Variants in ECH1 observed in about 807,000 individuals in gnomAD.
ECH1 encodes enoyl-CoA hydratase 1, also known as delta(3,5)-Delta(2,4)-dienoyl-CoA isomerase, mitochondrial.
ECH1 carries 30 observed loss-of-function variants against 37.0 expected under a neutral mutation model. The observed-to-expected ratio is 0.81, with a 90% CI of 0.61 to 1.10. ECH1 has a LOEUF of 1.10. Among genes scored for constraint, ECH1 ranks in the 50% least tolerant of loss-of-function variants. The pLI, the probability that ECH1 is intolerant of heterozygous loss-of-function variation, is 0.00. For synonymous variants in ECH1, 178 were observed against 176.0 expected, an observed-to-expected ratio of 1.01 and a Z score of -0.09; for missense variants, 456 against 441.6, an observed-to-expected ratio of 1.03 and a Z score of -0.29.
intron 3 of ECH1, among the ~76,000 whole-genome samples, chr19:38,830,747 G>A (rs1375289018): frequency 1.3e-5 from 2 of 151,952 alleles, no homozygotes; most frequent in Non-Finnish European, 2.9e-5. Flanking sequence ...GGCTGAGGCA[G>A]GCAGATCATA....
intron 3 of ECH1, among the ~76,000 whole-genome samples, chr19:38,821,527 C>A (rs1002484895): frequency 6.6e-6 from 1 of 152,180 alleles, no homozygotes; most frequent in Non-Finnish European, 1.5e-5. Context: ...CCAGGCTGCA[C>A]GCAGTGCTCT....
chr19:38,821,869 C>T (rs1420209305), intron 3 of ECH1, among the ~76,000 whole-genome samples: 4 of 152,254 alleles, frequency 2.6e-5, no homozygotes, highest in Non-Finnish European at 4.4e-5. Flanking sequence ...TGCCCAAGGG[C>T]TGAGGAGTGC....
chr19:38,823,614 T>C (rs1971696767), intron 3 of ECH1, among the ~76,000 whole-genome samples: 1 of 152,174 alleles, frequency 6.6e-6, no homozygotes, highest in African/African-American at 2.4e-5. Context: ...CTTCTGCTTT[T>C]CCTGTACTTC....
At chr19:38,819,406 C>G (rs772049868) in intron 3 of ECH1, among the ~76,000 whole-genome samples, 1 of 152,086 alleles carries the variant, frequency 6.6e-6, no homozygotes, top group South Asian at 2.1e-4. Flanking sequence ...CCCCATCCCC[C>G]GCATCCTGAC....
At chr19:38,816,044 A>G in intron 8 of ECH1, 37 bp from the exon 9 acceptor site, 1 of 1,609,842 alleles carries the variant, frequency 6.2e-7, no homozygotes, top group Non-Finnish European at 8.5e-7. Context: ...GTGGGCTGGG[A>G]AGGGCTCTCT....
chr19:38,831,039 C>G, intron 3 of ECH1, 39 bp downstream of exon 3: 1 of 1,578,706 alleles, frequency 6.3e-7, no homozygotes, highest in Non-Finnish European at 8.7e-7. Context: ...TTGCCAGGAG[C>G]TAGGAAGGCT....
In ECH1 at chr19:38,815,734, TGA is replaced by T; in HGVS notation, c.883-19_883-18del. The T allele has an allele frequency of 6.2e-7, 1 of 1,614,022 alleles. No individual in the cohort carries two copies. The highest frequency in any genetic ancestry group is 1.1e-5 in the South Asian group (1 of 91,048). On this transcript the variant is annotated intron_variant, in intron 9 of 9. Transcript: ENST00000221418. ...CCAGGACGCCTGGTACCGAGGGTGT[TGA>T]GAGAGAACGAGGAGAGAGATTAGCA...
intron 3 of ECH1, among the ~76,000 whole-genome samples, chr19:38,825,207 C>G (rs146071727): frequency 0.023 from 3,537 of 152,296 alleles, 66 homozygotes; most frequent in Middle Eastern, 0.048. Context: ...GACAAATTCC[C>G]TATCGGTCAG....
intron 3 of ECH1, chr19:38,819,140 G>A (rs1365039691): frequency 1.2e-4 from 123 of 985,244 alleles, no homozygotes; most frequent in Non-Finnish European, 1.4e-4. Context: ...AAAATGGCAG[G>A]ACAGAGAGGT....
Position 38,815,860 on chromosome 19 carries a change from G to A in ECH1, c.879C>T (p.Tyr293=), listed in dbSNP as rs538528426. The change falls in exon 9 of 10, where the codon TAC becomes TAT. Residue 293 remains tyrosine (Y), a synonymous_variant. Coordinates refer to ENST00000221418, the MANE Select transcript of ECH1 (RefSeq NM_001398.3). The stretch of plus-strand genomic sequence containing the variant: ...TTGGTCGGAGCGTGCACCTTACCAC[G>A]TAGTTGAGGCTCTCGGCCACCGAAT... ...RDHSVAESLN[Y]VASWNMSMLQ... is the part of the protein sequence containing the mutation. 4 of 1,614,172 alleles carry A rather than the reference G, an allele frequency of 2.5e-6. No homozygotes were observed. The highest frequency in any genetic ancestry group is 2.2e-5 in the East Asian group (1 of 44,878).
chr19:38,825,376 G>A (rs1479820912), intron 3 of ECH1, among the ~76,000 whole-genome samples: 1 of 152,228 alleles, frequency 6.6e-6, no homozygotes, highest in East Asian at 1.9e-4. Flanking sequence ...GGGAAAGGAA[G>A]AAAATCCTTC....
chr19:38,816,108 C>T lies in ECH1; in HGVS notation c.732-101G>A, dbSNP rs931509721. 15 of 1,540,576 alleles carry T rather than the reference C, an allele frequency of 9.7e-6. No homozygotes were observed. In the African/African-American group the frequency reaches 1.6e-4, roughly 17 times the overall value. ...GCCACTCACAGAGGAAGGCCCAAGA[C>T]CCCAGAGAAACAGCCCAATCAGAGC... On this transcript the variant is annotated intron_variant, in intron 8 of 9. Coordinates refer to ENST00000221418, the MANE Select transcript of ECH1 (RefSeq NM_001398.3).
In ECH1 at chr19:38,815,973, C is replaced by T. The variant is rs1182042112; in HGVS notation, c.766G>A (p.Ala256Thr). The change falls in exon 9 of 10, where the codon GCT becomes ACT. Residue 256 changes from alanine (A) to threonine (T), a missense_variant. Coordinates refer to ENST00000221418, the MANE Select transcript of ECH1 (RefSeq NM_001398.3). ...VFPDKEVMLD[A>T]ALALAAEISS... Reference sequence around the variant, plus strand: ...ATCTCGGCCGCCAGCGCTAAGGCAGCATCCAGCATGACCTCTTTGTCTGGG... The same window carrying T: ...ATCTCGGCCGCCAGCGCTAAGGCAGTATCCAGCATGACCTCTTTGTCTGGG... The T allele has an allele frequency of 6.2e-7, 1 of 1,613,828 alleles. No individual in the cohort carries two copies. The highest frequency in any genetic ancestry group is 8.5e-7 in the Non-Finnish European group (1 of 1,180,036).
At chr19:38,816,969 C>T in intron 6 of ECH1, 96 bp downstream of exon 6, 2 of 1,385,390 alleles carry the variant, frequency 1.4e-6, no homozygotes, top group Admixed American at 2.0e-5. Flanking sequence ...TCGGGTTCAA[C>T]TCCGACTCTT....
At position 38,815,467 on chromosome 19, in the gene ECH1, G is replaced by T; in HGVS notation, c.*146C>A. On this transcript the variant is annotated 3_prime_UTR_variant, in exon 10 of 10. Transcript: ENST00000221418. ...TTTGTGGGGTGAAGATAAGGCCTTG[G>T]GCTTGAGAAACTCATTGTCATAAAG... 1.4e-6 allele frequency: 1 copy of T among 738,236 alleles called. No individual in the cohort carries two copies. The highest frequency in any genetic ancestry group is 2.2e-6 in the Non-Finnish European group (1 of 445,582). 45.7% of individuals were successfully genotyped at this position (738,236 alleles called of 1,614,324 possible).
At chr19:38,818,901 C>CTGTGTGTG (rs761871749) in intron 3 of ECH1, among the ~76,000 whole-genome samples, 10,310 of 133,478 alleles carry the variant, frequency 0.077, 526 homozygotes, top group Non-Finnish European at 0.092. Context: ...GCCTCCAACT[C>CTGTGTGTG]TGTGTGTGTG....
chr19:38,816,965 T>C, intron 6 of ECH1, 100 bp downstream of exon 6: 1 of 1,351,836 alleles, frequency 7.4e-7, no homozygotes, highest in Non-Finnish European at 1.0e-6. Context: ...TTTGTCGGGT[T>C]CAACTCCGAC....
intron 3 of ECH1, among the ~76,000 whole-genome samples, chr19:38,821,931 T>C (rs1971669529): frequency 6.6e-6 from 1 of 152,248 alleles, no homozygotes; most frequent in Admixed American, 6.5e-5. Flanking sequence ...GCTGAGCTCC[T>C]GAGTCTAGTG....
At chr19:38,825,763 T>C (rs183238871) in intron 3 of ECH1, among the ~76,000 whole-genome samples, 90 of 152,286 alleles carry the variant, frequency 5.9e-4, no homozygotes, top group Non-Finnish European at 1.2e-3. Flanking sequence ...TAAAAAAGAT[T>C]GTCCAATGAG....
Sources: gnomAD v4.1 joint callset for allele counts (sites outside exome capture counted in the v4.1 genomes callset) on GRCh38, gnomAD v4.1.1 for gene constraint, MANE v1.5 for transcripts, NCBI Gene and HGNC (gene_info 2026-07-23, HGNC 2026-07-21) for gene names.